The following OTX2 variants were observed in gnomAD, a reference collection of about 807,000 sequenced individuals.
OTX2 encodes orthodenticle homeobox 2.
Under a neutral mutation model 29.0 loss-of-function variants are expected in OTX2, and 4 were observed. The ratio of observed to expected loss-of-function variants is 0.14; its 90% CI spans 0.07 to 0.32. The LOEUF (loss-of-function observed/expected upper bound fraction) is 0.32. Among genes scored for constraint, OTX2 ranks in the 10% least tolerant of loss-of-function variants. The probability of loss-of-function intolerance (pLI) is 1.00; values close to 1 mark genes in which losing one functional copy is unlikely to be tolerated. For synonymous variants in OTX2, 134 were observed against 141.0 expected (o/e 0.95, Z 0.35); for missense variants, 298 against 365.9 (o/e 0.81, Z 1.51).
At chr14:56,807,799 A>G (rs1400418237) in intron 2 of OTX2, among the ~76,000 whole-genome samples, 3 of 152,220 alleles carry the variant, frequency 2.0e-5, no homozygotes, top group Non-Finnish European at 4.4e-5. Flanking sequence ...CAGGGTCCAG[A>G]ACGGGGAAAA....
At chr14:56,808,973 G>C (rs1040737556) in intron 2 of OTX2, among the ~76,000 whole-genome samples, 6 of 152,240 alleles carry the variant, frequency 3.9e-5, no homozygotes, top group African/African-American at 1.4e-4. Context: ...CGCGCCCGGC[G>C]CTGGCAGGGA....
At position 56,802,073 on chromosome 14, in the gene OTX2, T is replaced by A. The variant is rs1344213875; in HGVS notation, c.556A>T (p.Thr186Ser). 1 of 1,614,022 alleles carries A rather than the reference T, an allele frequency of 6.2e-7. No individual in the cohort carries two copies. Among genetic ancestry groups the A allele is most frequent in the East Asian group, 2.2e-5 (1 of 44,878 alleles). ...SSCMQRSYPM[T>S]YTQASGYSQG... ...CTATAACCTGAAGCCTGAGTATAGGTCATGGGATAGGACCTCTGCATGCAG... is the reference window on the plus strand; with the variant it reads ...CTATAACCTGAAGCCTGAGTATAGGACATGGGATAGGACCTCTGCATGCAG... Residue 186 changes from threonine to serine, a missense_variant, in exon 5 of 5, where the codon ACC becomes TCC. Transcript: ENST00000672264. The surrounding 1 kb of genome is among the most constrained non-coding windows in gnomAD (Gnocchi z 4.4).
In OTX2 at chr14:56,805,449, GACAT is replaced by G; in HGVS notation, c.4_7del (p.Met2LeufsTer13). ...TGCGTAAGGCGGTTGCTTAAGATAA[GACAT>G]CATGCTAAGGTTGTTTGGAGGTGCA... On this transcript the variant is annotated frameshift_variant, in exon 3 of 5. Transcript: ENST00000672264. LOFTEE classifies it high-confidence loss of function. 1 of 1,612,442 alleles carries G rather than the reference GACAT, an allele frequency of 6.2e-7. No individual in the cohort carries two copies. Among genetic ancestry groups the G allele is most frequent in the Non-Finnish European group, 8.5e-7 (1 of 1,178,478 alleles).
Position 56,799,940 on chromosome 14 carries a change from A to T in OTX2, c.*1795T>A, listed in dbSNP as rs1308114176. ...TGCTAACCTTCATTTAAAACGTTAC[A>T]ATCAAGAGTCACTTAATTTTGGTCA... On this transcript the variant is annotated 3_prime_UTR_variant, in exon 5 of 5. Transcript: ENST00000672264. 1 of 152,236 alleles carries T rather than the reference A, an allele frequency of 6.6e-6. No individual in the cohort carries two copies. Among genetic ancestry groups the T allele is most frequent in the Admixed American group, 6.5e-5 (1 of 15,290 alleles). 9.4% of individuals were successfully genotyped at this position (152,236 alleles called of 1,614,324 possible). A position where few individuals can be genotyped will look rare whatever the true frequency, so the allele number is the denominator to read the frequency against.
In OTX2 at chr14:56,805,520, T is replaced by C; in HGVS notation, c.-64A>G. 1 of 1,051,462 alleles carries C rather than the reference T, an allele frequency of 9.5e-7. No individual in the cohort carries two copies. The highest frequency in any genetic ancestry group is 1.5e-6 in the Non-Finnish European group (1 of 677,970). The allele number at this position is 1,051,462 out of a possible 1,614,324, so 65.1% of individuals were successfully genotyped here. On this transcript the variant is annotated 5_prime_UTR_variant, in exon 3 of 5. Transcript: ENST00000672264. ...GGGGTACCCAGCTGGAAGATCTTGATGCGCCCGGGGTGGACAGGTTCAGAG... is the reference window on the plus strand; with the variant it reads ...GGGGTACCCAGCTGGAAGATCTTGACGCGCCCGGGGTGGACAGGTTCAGAG...
In OTX2 at chr14:56,802,283, C is replaced by A. The variant is rs2139529233; in HGVS notation, c.346G>T (p.Val116Leu). 1 of 1,614,162 alleles carries A rather than the reference C, an allele frequency of 6.2e-7. No homozygotes were observed. The highest frequency in any genetic ancestry group is 8.5e-7 in the Non-Finnish European group (1 of 1,180,034). ...GATGTCTTCTTTTTGGCAGGTCTCA[C>A]TTTGTTTTGACCTCCATTCTGCTGT... Reference protein sequence around the residue: ...QQQQNGGQNKVRPAKKKTSPA... With the variant: ...QQQQNGGQNKLRPAKKKTSPA... Residue 116 changes from valine (V) to leucine (L), a missense_variant, in exon 5 of 5, where the codon GTG (valine) becomes TTG (leucine). Val to Leu is a conservative substitution (Grantham distance 32). Coordinates refer to ENST00000672264, the MANE Select transcript of OTX2 (RefSeq NM_021728.4). This position sits in a 1 kb window ranked among gnomAD's most constrained non-coding sequence, Gnocchi z 4.4.
At chr14:56,808,355 G>T (rs930325210) in intron 2 of OTX2, among the ~76,000 whole-genome samples, 1 of 152,116 alleles carries the variant, frequency 6.6e-6, no homozygotes, top group Non-Finnish European at 1.5e-5. Context: ...ACTGGCCTGC[G>T]GCTGGGAAGA....
In OTX2 at chr14:56,800,425, G is replaced by T. The variant is rs915226286; in HGVS notation, c.*1310C>A. On this transcript the variant is annotated 3_prime_UTR_variant, in exon 5 of 5. Coordinates refer to ENST00000672264, the MANE Select transcript of OTX2 (RefSeq NM_021728.4). ...TAAAACATTCTAATAAAGTGCCTAA[G>T]AAATCGTTCAGGTTTGAAGTAGGGA... The T allele has an allele frequency of 2.0e-5, 3 of 152,104 alleles. No homozygotes were observed. Among genetic ancestry groups the T allele is most frequent in the African/African-American group, 7.2e-5 (3 of 41,402 alleles). The allele number at this position is 152,104 out of a possible 1,614,324, so 9.4% of individuals were successfully genotyped here. A position where few individuals can be genotyped will look rare whatever the true frequency, so the allele number is the denominator to read the frequency against.
In OTX2 at chr14:56,802,487, T is replaced by G; in HGVS notation, c.274-132A>C. 1.0e-6 allele frequency: 1 copy of G among 1,004,142 alleles called. No individual in the cohort carries two copies. Among genetic ancestry groups the G allele is most frequent in the Non-Finnish European group, 1.6e-6 (1 of 640,642 alleles). The allele number at this position is 1,004,142 out of a possible 1,614,324, so 62.2% of individuals were successfully genotyped here. A position where few individuals can be genotyped will look rare whatever the true frequency, so the allele number is the denominator to read the frequency against. ...ACAATTTCCCCTGCCACTGAAGACC[T>G]ATTATGTGGTACTCTCATATAAACT... On this transcript the variant is annotated intron_variant, in intron 4 of 4. Coordinates refer to ENST00000672264, the MANE Select transcript of OTX2 (RefSeq NM_021728.4). This position sits in a 1 kb window ranked among gnomAD's most constrained non-coding sequence, Gnocchi z 4.4.
chr14:56,805,208 TC>T, intron 3 of OTX2, 151 bp downstream of exon 3: 1 of 636,784 alleles, frequency 1.6e-6, no homozygotes, highest in Non-Finnish European at 2.8e-6. Context: ...TGGGACTGCT[TC>T]CTCAGAAGGC....
At position 56,800,101 on chromosome 14, in the gene OTX2, T is replaced by C. The variant is rs1891824367; in HGVS notation, c.*1634A>G. 1.3e-5 allele frequency: 2 copies of C among 152,182 alleles called. No homozygotes were observed. Among genetic ancestry groups the C allele is most frequent in the African/African-American group, 4.8e-5 (2 of 41,446 alleles). The allele number at this position is 152,182 out of a possible 1,614,324, so 9.4% of individuals were successfully genotyped here. On this transcript the variant is annotated 3_prime_UTR_variant, in exon 5 of 5. Transcript: ENST00000672264. ...GTACAACTGAAAAGGGACCCATTTT[T>C]TCCCCCTCGGCACTTTCTTAAACAC...
At chr14:56,807,307 G>T (rs1594957570) in intron 2 of OTX2, among the ~76,000 whole-genome samples, 1 of 152,038 alleles carries the variant, frequency 6.6e-6, no homozygotes, top group East Asian at 1.9e-4. Flanking sequence ...ATATGCGACA[G>T]CTTTAAAATA....
rs984556416 is a variant in OTX2 at position 56,801,398 on chromosome 14, C to T, written c.*337G>A. On this transcript the variant is annotated 3_prime_UTR_variant, in exon 5 of 5. Transcript: ENST00000672264. This position sits in a 1 kb window ranked among gnomAD's most constrained non-coding sequence, Gnocchi z 4.2. ...CACCTCTGCTTAAGAAGGCTATGACCTTCCCTCCCTTCCTTCACAACTTAG... is the reference window on the plus strand; with the variant it reads ...CACCTCTGCTTAAGAAGGCTATGACTTTCCCTCCCTTCCTTCACAACTTAG... 10 of 362,594 alleles carry T rather than the reference C, an allele frequency of 2.8e-5. No homozygotes were observed. The highest frequency in any genetic ancestry group is 5.2e-5 in the Non-Finnish European group (10 of 190,652). The allele number at this position is 362,594 out of a possible 1,614,324, so 22.5% of individuals were successfully genotyped here.
rs1227306464 is a variant in OTX2 at position 56,801,054 on chromosome 14, C to T, written c.*681G>A. 1 of 154,478 alleles carries T rather than the reference C, an allele frequency of 6.5e-6. No homozygotes were observed. The highest frequency in any genetic ancestry group is 1.4e-5 in the Non-Finnish European group (1 of 69,306). The allele number at this position is 154,478 out of a possible 1,614,324, so 9.6% of individuals were successfully genotyped here. A position where few individuals can be genotyped will look rare whatever the true frequency, so the allele number is the denominator to read the frequency against. ...TGCTTATAATTATAACCTATTTAAT[C>T]ACAGAAGAACCCCTGCAGAGGTGGA... On this transcript the variant is annotated 3_prime_UTR_variant, in exon 5 of 5. Coordinates refer to ENST00000672264, the MANE Select transcript of OTX2 (RefSeq NM_021728.4). The surrounding 1 kb of genome is among the most constrained non-coding windows in gnomAD (Gnocchi z 4.2).
chr14:56,809,079 G>A (rs1286857801), intron 2 of OTX2, among the ~76,000 whole-genome samples: 2 of 152,216 alleles, frequency 1.3e-5, no homozygotes, highest in African/African-American at 4.8e-5. Context: ...ACACCTCATT[G>A]TCCTGGAGCC....
In OTX2 at chr14:56,800,385, A is replaced by C. The variant is rs1482441193; in HGVS notation, c.*1350T>G. On this transcript the variant is annotated 3_prime_UTR_variant, in exon 5 of 5. Coordinates refer to ENST00000672264, the MANE Select transcript of OTX2 (RefSeq NM_021728.4). The stretch of plus-strand genomic sequence containing the variant: ...CTCCAATTCTCCTCCTCCCTCTTAA[A>C]AACTTGATATATTTTAAAACATTCT... The C allele has an allele frequency of 6.6e-6, 1 of 152,082 alleles. No homozygotes were observed. Among genetic ancestry groups the C allele is most frequent in the Non-Finnish European group, 1.5e-5 (1 of 68,022 alleles). The allele number at this position is 152,082 out of a possible 1,614,324, so 9.4% of individuals were successfully genotyped here.
chr14:56,802,086 C>G lies in OTX2; in HGVS notation c.543G>C (p.Arg181Ser). Reference protein sequence around the residue: ...PLSTSSSCMQRSYPMTYTQAS... With the variant: ...PLSTSSSCMQSSYPMTYTQAS... ...CCTGAGTATAGGTCATGGGATAGGA[C>G]CTCTGCATGCAGGAAGAGGAGGTGG... The change falls in exon 5 of 5, where the codon AGG becomes AGC. Residue 181 changes from arginine (R) to serine (S), a missense_variant. Physicochemically the swap from Arg to Ser is moderately radical, Grantham distance 110. Around this residue, in one of 3 missense-constraint regions of OTX2, gnomAD observed 219 missense variants for 223.5 expected, o/e 0.98. Transcript: ENST00000672264. The surrounding 1 kb of genome is among the most constrained non-coding windows in gnomAD (Gnocchi z 4.4). The G allele has an allele frequency of 6.2e-7, 1 of 1,614,098 alleles. No individual in the cohort carries two copies. Among genetic ancestry groups the G allele is most frequent in the East Asian group, 2.2e-5 (1 of 44,882 alleles).
At position 56,802,441 on chromosome 14, in the gene OTX2, A is replaced by C; in HGVS notation, c.274-86T>G. On this transcript the variant is annotated intron_variant, in intron 4 of 4. Coordinates refer to ENST00000672264, the MANE Select transcript of OTX2 (RefSeq NM_021728.4). This position sits in a 1 kb window ranked among gnomAD's most constrained non-coding sequence, Gnocchi z 4.4. Reference sequence around the variant, plus strand: ...CTCCCGTATTATAAATCTATCCTACATGGGCAGATCAGCTAAACACACAAT... The same window carrying C: ...CTCCCGTATTATAAATCTATCCTACCTGGGCAGATCAGCTAAACACACAAT... 1 of 1,430,786 alleles carries C rather than the reference A, an allele frequency of 7.0e-7. No individual in the cohort carries two copies. The highest frequency in any genetic ancestry group is 1.4e-5 in the African/African-American group (1 of 71,634). The allele number at this position is 1,430,786 out of a possible 1,614,324, so 88.6% of individuals were successfully genotyped here.
At chr14:56,806,659 T>A (rs999799865) in intron 2 of OTX2, 1 of 152,258 alleles carries the variant, frequency 6.6e-6, no homozygotes, top group African/African-American at 2.4e-5. Context: ...AGAAAGTAGA[T>A]ACACAAACAC....
Sources: gnomAD v4.1 joint callset for allele counts (sites outside exome capture counted in the v4.1 genomes callset) on GRCh38, gnomAD v4.1.1 for gene constraint, gnomAD v4.1.1 regional missense constraint, Gnocchi (gnomAD v3.1) non-coding constraint, MANE v1.5 for transcripts, NCBI Gene and HGNC (gene_info 2026-07-23, HGNC 2026-07-21) for gene names.